Variants in KCTD1 observed in about 807,000 individuals in gnomAD.
The protein encoded by KCTD1 is potassium channel tetramerization domain containing 1, also known as BTB/POZ domain-containing protein KCTD1.
Under a neutral mutation model 66.0 loss-of-function variants are expected in KCTD1, and 24 were observed. That is an observed-to-expected ratio of 0.36 (90% confidence interval 0.26 to 0.51). The LOEUF is 0.51. Ranked by LOEUF, KCTD1 falls within the 20% of genes least tolerant of loss-of-function variation. The probability of loss-of-function intolerance (pLI) is 0.95; values close to 1 mark genes in which losing one functional copy is unlikely to be tolerated. For synonymous variants in KCTD1, 511 were observed against 517.2 expected (o/e 0.99, Z 0.16); for missense variants, 943 against 1,205.2 (o/e 0.78, Z 3.22).
At chr18:26,614,205 C>G (rs1042590587) in intron 1 of KCTD1, among the ~76,000 whole-genome samples, 1 of 152,208 alleles carries the variant, frequency 6.6e-6, no homozygotes, top group African/African-American at 2.4e-5. Flanking sequence ...GCACGTAGAT[C>G]AGTGCCCAGC....
intron 1 of KCTD1, among the ~76,000 whole-genome samples, chr18:26,586,561 T>C (rs531661222): frequency 1.2e-4 from 18 of 152,314 alleles, no homozygotes; most frequent in African/African-American, 4.1e-4. Flanking sequence ...TGAAGCTTAG[T>C]GAGGAAGGCA....
chr18:26,566,709 G>T (rs1229189611), intron 1 of KCTD1: 1 of 151,912 alleles, frequency 6.6e-6, no homozygotes, highest in African/African-American at 2.4e-5. Flanking sequence ...GCACTTTGAG[G>T]TTCAACTTGA....
intron 2 of KCTD1, among the ~76,000 whole-genome samples, chr18:26,488,765 T>C (rs1383592730): frequency 6.6e-6 from 1 of 152,138 alleles, no homozygotes; most frequent in African/African-American, 2.4e-5. Context: ...CCAGAAAAGA[T>C]AAACAGCAAT....
At chr18:26,534,830 T>C (rs914391467) in intron 1 of KCTD1, among the ~76,000 whole-genome samples, 11 of 152,216 alleles carry the variant, frequency 7.2e-5, no homozygotes, top group Non-Finnish European at 1.3e-4. Context: ...CCTCTTTCTT[T>C]ATGACCAGAG....
intron 1 of KCTD1, among the ~76,000 whole-genome samples, chr18:26,546,319 T>C (rs915346138): frequency 1.6e-4 from 25 of 152,046 alleles, no homozygotes; most frequent in African/African-American, 6.0e-4. Context: ...TCATGGCGAA[T>C]ACGTAATAGA....
intron 1 of KCTD1, among the ~76,000 whole-genome samples, chr18:26,657,116 T>G (rs34155787): frequency 0.52 from 78,256 of 151,012 alleles, 20,959 homozygotes; most frequent in Non-Finnish European, 0.6. Context: ...CGCCCTGCTC[T>G]CGCCAGCTCC....
chr18:26,593,336 AGAG>A (rs1450558108), intron 1 of KCTD1, among the ~76,000 whole-genome samples: 20 of 115,320 alleles, frequency 1.7e-4, no homozygotes, highest in African/African-American at 6.7e-4. Flanking sequence ...AGGAGGAGGA[AGAG>A]GAGGAAGAGG....
At chr18:26,589,249 C>T (rs77647210) in intron 1 of KCTD1, among the ~76,000 whole-genome samples, 6,567 of 152,214 alleles carry the variant, frequency 0.043, 185 homozygotes, top group Middle Eastern at 0.12. Context: ...CAGTCTTGGA[C>T]CTTGGGTTGG....
intron 1 of KCTD1, among the ~76,000 whole-genome samples, chr18:26,648,137 T>C (rs7235233): frequency 0.15 from 22,311 of 152,108 alleles, 2,331 homozygotes; most frequent in African/African-American, 0.29. Context: ...TGAGCCACTG[T>C]GCCAGGCTTT....
intron 1 of KCTD1, among the ~76,000 whole-genome samples, chr18:26,522,627 T>A (rs1239896562): frequency 1.3e-5 from 2 of 152,148 alleles, no homozygotes; most frequent in Non-Finnish European, 2.9e-5. Flanking sequence ...CTTTCTCAGG[T>A]TTAATCAAAT....
chr18:26,582,285 AAG>A (rs1986372964), intron 1 of KCTD1, among the ~76,000 whole-genome samples: 1 of 140,430 alleles, frequency 7.1e-6, no homozygotes, highest in East Asian at 2.1e-4. Flanking sequence ...AAAAAAAAAA[AAG>A]TCAGCAAATA....
At chr18:26,499,055 A>G (rs1567969044) in intron 2 of KCTD1, among the ~76,000 whole-genome samples, 1 of 152,194 alleles carries the variant, frequency 6.6e-6, no homozygotes, top group Non-Finnish European at 1.5e-5. Context: ...TGAGCATAGA[A>G]GAAAACCTAT....
chr18:26,593,432 G>A (rs1322885179), intron 1 of KCTD1, among the ~76,000 whole-genome samples: 2 of 148,440 alleles, frequency 1.3e-5, no homozygotes, highest in African/African-American at 5.0e-5. Context: ...AAGATGAGGA[G>A]GAGGAGGAAG....
At chr18:26,460,011 C>T in intron 3 of KCTD1, 86 bp from the exon 4 acceptor site, 2 of 1,017,928 alleles carry the variant, frequency 2.0e-6, no homozygotes, top group Non-Finnish European at 2.9e-6. Context: ...TTTTTTTCCA[C>T]TTCTTGTTAT....
At chr18:26,610,650 G>C (rs1469206951) in intron 1 of KCTD1, among the ~76,000 whole-genome samples, 3 of 151,016 alleles carry the variant, frequency 2.0e-5, no homozygotes, top group African/African-American at 7.3e-5. Flanking sequence ...GGGAGAGAAG[G>C]GAGGGAGGGA....
At chr18:26,518,111 C>T (rs1420240873) in intron 1 of KCTD1, among the ~76,000 whole-genome samples, 6 of 152,124 alleles carry the variant, frequency 3.9e-5, no homozygotes, top group Non-Finnish European at 5.9e-5. Context: ...TCAGTAGGCA[C>T]GAAATAAACA....
chr18:26,468,389 C>T lies in KCTD1; in HGVS notation c.2133+8126G>A, dbSNP rs573902406. ...GTATCCGGCTCGGACAGCACATTTGCGGAATGAGATTTTAGGGGTGGAGGA... is the reference window on the plus strand; with the variant it reads ...GTATCCGGCTCGGACAGCACATTTGTGGAATGAGATTTTAGGGGTGGAGGA... On this transcript the variant is annotated intron_variant, in intron 3 of 4. Coordinates refer to ENST00000580059, the MANE Select transcript of KCTD1 (RefSeq NM_001142730.3). This position sits in a 1 kb window ranked among gnomAD's most constrained non-coding sequence, Gnocchi z 4.8. 6.6e-6 allele frequency among the ~76,000 whole-genome samples: 1 copy of T among 152,074 alleles called. No individual in the cohort carries two copies. The highest frequency in any genetic ancestry group is 2.4e-5 in the African/African-American group (1 of 41,380).
intron 3 of KCTD1, among the ~76,000 whole-genome samples, chr18:26,473,509 G>A (rs889043135): frequency 2.6e-5 from 4 of 151,692 alleles, no homozygotes; most frequent in East Asian, 1.9e-4. Context: ...ACCATAGCAC[G>A]TTTACCTATG....
At chr18:26,494,994 C>T (rs1312903828) in intron 2 of KCTD1, among the ~76,000 whole-genome samples, 3 of 152,050 alleles carry the variant, frequency 2.0e-5, no homozygotes, top group African/African-American at 4.8e-5. Context: ...AATTTGCTAT[C>T]GACATTGAAT....
Sources: allele counts gnomAD v4.1 joint callset (sites outside exome capture counted in the v4.1 genomes callset), GRCh38; gene constraint gnomAD v4.1.1; non-coding constraint Gnocchi (gnomAD v3.1); transcripts MANE v1.5; gene names NCBI Gene and HGNC (gene_info 2026-07-23, HGNC 2026-07-21).